Variants in FBRSL1 observed in about 807,000 individuals in gnomAD.
FBRSL1 encodes fibrosin-1-like protein.
Under a neutral mutation model 89.6 loss-of-function variants are expected in FBRSL1, and 51 were observed. The observed-to-expected ratio is 0.57, with a 90% CI of 0.45 to 0.72. FBRSL1 has a LOEUF of 0.72. FBRSL1 is among the 30% of genes least tolerant of loss of function. The pLI is 0.00. For synonymous variants in FBRSL1, 779 were observed against 681.1 expected, an observed-to-expected ratio of 1.14 and a Z score of -2.24; for missense variants, 1,618 against 1,451.8, an observed-to-expected ratio of 1.11 and a Z score of -1.86.
Position 132,493,137 on chromosome 12 carries a change from G to A in FBRSL1, c.291+2276G>A, listed in dbSNP as rs2031376071. ...GCAAGGAGCACTGGGTGCCACGCCT[G>A]TCCGGCCTTAGAGTGAGCGGGCGCT... On this transcript the variant is annotated intron_variant, in intron 1 of 18. Coordinates refer to ENST00000680143, the MANE Select transcript of FBRSL1 (RefSeq NM_001367871.1). Among the ~76,000 whole-genome samples the A allele has an allele frequency of 3.3e-5, 5 of 152,250 alleles. No homozygotes were observed. The South Asian group carries it at 1.0e-3, about 31-fold the overall frequency.
intron 15 of FBRSL1, among the ~76,000 whole-genome samples, chr12:132,577,884 G>T (rs771561053): frequency 6.6e-6 from 1 of 152,194 alleles, no homozygotes; most frequent in Non-Finnish European, 1.5e-5. Flanking sequence ...CAGCCTGCAC[G>T]GTGCACGCCT....
intron 15 of FBRSL1, among the ~76,000 whole-genome samples, chr12:132,580,397 A>G (rs1458216210): frequency 2.0e-5 from 3 of 151,186 alleles, no homozygotes; most frequent in Admixed American, 1.3e-4. Context: ...CAATTTCACC[A>G]GTATTTTTAA....
intron 11 of FBRSL1, among the ~76,000 whole-genome samples, chr12:132,573,499 G>A (rs2040180544): frequency 6.6e-6 from 1 of 152,182 alleles, no homozygotes; most frequent in Non-Finnish European, 1.5e-5. Flanking sequence ...GTCGAGCAGG[G>A]ACCCCCAGAC....
chr12:132,492,514 G>A (rs920984979), intron 1 of FBRSL1, among the ~76,000 whole-genome samples: 1 of 152,234 alleles, frequency 6.6e-6, no homozygotes, highest in South Asian at 2.1e-4. Flanking sequence ...TCGATGTGTA[G>A]AAAGTGCCCC....
Position 132,571,173 on chromosome 12 carries a change from T to G in FBRSL1, c.1319T>G (p.Leu440Arg). The G allele has an allele frequency of 7.0e-7, 1 of 1,426,090 alleles. No individual in the cohort carries two copies. Among genetic ancestry groups the G allele is most frequent in the Non-Finnish European group, 9.2e-7 (1 of 1,090,090 alleles). 88.3% of individuals were successfully genotyped at this position (1,426,090 alleles called of 1,614,324 possible). A position where few individuals can be genotyped will look rare whatever the true frequency, so the allele number is the denominator to read the frequency against. The stretch of plus-strand genomic sequence containing the variant: ...CAGGCTCCTCTCTTACCTGCACCCC[T>G]GGGCCCGCACGTGGCGAGCGGCCAC... ...WSQAPLLPAPLGPHVASGHPG... is the reference protein window; with the variant it reads ...WSQAPLLPAPRGPHVASGHPG... The change falls in exon 9 of 19, where the codon CTG becomes CGG. Residue 440 changes from leucine to arginine, a missense_variant. By Grantham distance (102) the Leu-to-Arg change is moderately radical. Coordinates refer to ENST00000680143, the MANE Select transcript of FBRSL1 (RefSeq NM_001367871.1).
At chr12:132,502,424 G>C (rs889411444) in intron 1 of FBRSL1, among the ~76,000 whole-genome samples, 1 of 152,222 alleles carries the variant, frequency 6.6e-6, no homozygotes, top group East Asian at 1.9e-4. Flanking sequence ...GAGACTGCGG[G>C]CCACAGCCAG....
chr12:132,555,921 G>A (rs574358361), intron 5 of FBRSL1, among the ~76,000 whole-genome samples: 21 of 152,282 alleles, frequency 1.4e-4, no homozygotes, highest in African/African-American at 4.6e-4. Flanking sequence ...CTTCAGGGCC[G>A]GTTGTGGCCT....
intron 5 of FBRSL1, among the ~76,000 whole-genome samples, chr12:132,559,653 C>T (rs1392610429): frequency 6.6e-6 from 1 of 152,200 alleles, no homozygotes; most frequent in Admixed American, 6.5e-5. Context: ...CCGCCCACCT[C>T]GGCCTCCCAA....
At chr12:132,553,702 GAAGCGGGGCCTGGC>G (rs1399200373) in intron 5 of FBRSL1, 2 of 152,146 alleles carry the variant, frequency 1.3e-5, no homozygotes, top group East Asian at 3.8e-4. Flanking sequence ...GGTCCCAGCA[GAAGCGGGGCCTGGC>G]TGAGGCAGTG....
chr12:132,547,038 C>T (rs957504542), intron 4 of FBRSL1, among the ~76,000 whole-genome samples: 4 of 152,230 alleles, frequency 2.6e-5, no homozygotes, highest in Non-Finnish European at 4.4e-5. Context: ...GTCATTCATT[C>T]GACGTGAATG....
intron 5 of FBRSL1, among the ~76,000 whole-genome samples, chr12:132,567,117 C>T (rs912603521): frequency 6.6e-6 from 1 of 152,226 alleles, no homozygotes; most frequent in African/African-American, 2.4e-5. Context: ...GGGCCCACAG[C>T]TACTGGTGCT....
Position 132,583,090 on chromosome 12 carries a change from C to A in FBRSL1, c.2321C>A (p.Ala774Glu), listed in dbSNP as rs781178650. The change falls in exon 19 of 19, where the codon GCG (alanine) becomes GAG (glutamate). Residue 774 changes from alanine (A) to glutamate (E), a missense_variant. Ala to Glu is a moderately radical substitution (Grantham distance 107). Transcript: ENST00000680143. ...GAGCTGGGCCGGTCCGGGGCCCCCG[C>A]GGAGCGCGAGGCCGAACCTCGGGTC... ...QSELGRSGAP[A>E]EREAEPRVKE... 10 of 1,448,420 alleles carry A rather than the reference C, an allele frequency of 6.9e-6. No individual in the cohort carries two copies. The highest frequency in any genetic ancestry group is 3.9e-5 in the South Asian group (3 of 76,658). The allele number at this position is 1,448,420 out of a possible 1,614,324, so 89.7% of individuals were successfully genotyped here. A position where few individuals can be genotyped will look rare whatever the true frequency, so the allele number is the denominator to read the frequency against.
intron 4 of FBRSL1, among the ~76,000 whole-genome samples, chr12:132,539,070 C>T (rs549137419): frequency 6.6e-6 from 1 of 152,068 alleles, no homozygotes; most frequent in South Asian, 2.1e-4. Flanking sequence ...TTTCCCCATC[C>T]GGCAGCAGGT....
At chr12:132,571,255 G>A (rs1275254547) in intron 9 of FBRSL1, 24 bp downstream of exon 9, 28 of 1,475,932 alleles carry the variant, frequency 1.9e-5, no homozygotes, top group Admixed American at 1.1e-4. Context: ...TCGCCCCGCC[G>A]GGAGCCCGCG....
intron 5 of FBRSL1, among the ~76,000 whole-genome samples, chr12:132,549,667 A>AAGCCACC (rs1199300804): frequency 2.0e-5 from 3 of 152,144 alleles, no homozygotes; most frequent in Non-Finnish European, 4.4e-5. Context: ...AGATGAGGCA[A>AAGCCACC]AGCCACCTGT....
At chr12:132,525,054 T>A (rs1243210808) in intron 2 of FBRSL1, among the ~76,000 whole-genome samples, 6 of 115,024 alleles carry the variant, frequency 5.2e-5, no homozygotes, top group Non-Finnish European at 7.2e-5. Flanking sequence ...TCAGGGGTGG[T>A]GGCGGTGGGC....
rs571704641 is a variant in FBRSL1 at position 132,546,963 on chromosome 12, G to A, written c.616-1040G>A. Among the ~76,000 whole-genome samples the A allele has an allele frequency of 2.0e-5, 3 of 152,352 alleles. No individual in the cohort carries two copies. The highest frequency in any genetic ancestry group is 1.9e-4 in the East Asian group (1 of 5,190). On this transcript the variant is annotated intron_variant, in intron 4 of 18. Coordinates refer to ENST00000680143, the MANE Select transcript of FBRSL1 (RefSeq NM_001367871.1). This position sits in a 1 kb window ranked among gnomAD's most constrained non-coding sequence, Gnocchi z 4.0. ...CCCAGTGGGCTCCACATAGGAGGGC[G>A]CCGCCCACACATCCGGCTGGCACTC...
chr12:132,492,946 T>C (rs2031329848), intron 1 of FBRSL1, among the ~76,000 whole-genome samples: 1 of 152,246 alleles, frequency 6.6e-6, no homozygotes, highest in Admixed American at 6.5e-5. Context: ...CATAATTATA[T>C]CAATAGTAGT....
At chr12:132,504,407 C>A (rs1359955448) in intron 1 of FBRSL1, among the ~76,000 whole-genome samples, 1 of 152,206 alleles carries the variant, frequency 6.6e-6, no homozygotes, top group African/African-American at 2.4e-5. Flanking sequence ...CTAGCAATGT[C>A]ACGGCAGCCT....
Sources: gnomAD v4.1 joint callset for allele counts (sites outside exome capture counted in the v4.1 genomes callset) on GRCh38, gnomAD v4.1.1 for gene constraint, Gnocchi (gnomAD v3.1) non-coding constraint, MANE v1.5 for transcripts, NCBI Gene and HGNC (gene_info 2026-07-23, HGNC 2026-07-21) for gene names.